DMD: variants seen among roughly 807,000 people sequenced by gnomAD.
The protein encoded by DMD is dystrophin, also known as mutant dystrophin.
DMD carries 63 observed loss-of-function variants against 330.1 expected under a neutral mutation model. The ratio of observed to expected loss-of-function variants is 0.19; its 90% CI spans 0.16 to 0.24. The LOEUF is 0.24. DMD is among the 10% of genes least tolerant of loss of function. The pLI is 1.00. For missense variants in DMD, 3,344 were observed against 2,684.1 expected, an observed-to-expected ratio of 1.25 and a Z score of -5.43; for synonymous variants, 1,223 against 959.8, an observed-to-expected ratio of 1.27 and a Z score of -5.07.
At chrX:32,997,030 G>A (rs980285074) in intron 2 of DMD, among the ~76,000 whole-genome samples, 3 of 111,388 alleles carry the variant, frequency 2.7e-5, no homozygotes, top group African/African-American at 9.8e-5. Context: ...AGATTTAGGA[G>A]GTACAGTGTA....
At chrX:32,032,048 T>A (rs1245028493) in intron 44 of DMD, among the ~76,000 whole-genome samples, 5 of 111,798 alleles carry the variant, frequency 4.5e-5, no homozygotes, top group Non-Finnish European at 9.4e-5. Context: ...TTATCTCTTA[T>A]GAGCTACATA....
At position 31,121,430 on chromosome X, in the gene DMD, GTGTGTGTGTGTA is replaced by G. The variant is rs1363472451; in HGVS notation, c.*477_*488del. ...ACAATGCGCTGCCTCAAAGTTTTGT[GTGTGTGTGTGTA>G]TGTGTGTGTGTGTGTGTTTGTTTTG... On this transcript the variant is annotated 3_prime_UTR_variant, in exon 79 of 79. Coordinates refer to ENST00000357033, the MANE Select transcript of DMD (RefSeq NM_004006.3). The G allele has an allele frequency of 6.4e-3, 666 of 103,898 alleles. 3 individuals carry two copies. Among genetic ancestry groups the G allele is most frequent in the African/African-American group, 0.015 (321 of 21,083 alleles). 8.6% of individuals were successfully genotyped at this position (103,898 alleles called of 1,213,427 possible).
intron 17 of DMD, among the ~76,000 whole-genome samples, chrX:32,532,959 T>G: frequency 8.9e-6 from 1 of 112,554 alleles, no homozygotes; most frequent in Non-Finnish European, 1.9e-5. Context: ...AATAAAATTT[T>G]ACTGGAACTC....
rs766606331 is a variant in DMD, at chrX:31,618,447, AGT to A, written c.8217+9224_8217+9225del. ...GGTAGTTATGGTGATTTCATAGAGA[AGT>A]GTTTCAGTTGGGAGGCAGATGTAGA... On this transcript the variant is annotated intron_variant, in intron 55 of 78. Transcript: ENST00000357033. 3.6e-5 allele frequency among the ~76,000 whole-genome samples: 4 copies of A among 111,910 alleles called. No homozygotes were observed. The East Asian group carries it at 1.1e-3, about 31-fold the overall frequency.
chrX:31,841,539 G>GAAGTC (rs199977254), intron 48 of DMD, among the ~76,000 whole-genome samples: 13,079 of 111,616 alleles, frequency 0.12, 650 homozygotes, highest in Non-Finnish European at 0.16. Flanking sequence ...TAGCTAGAGA[G>GAAGTC]AAGTCAATGC....
intron 16 of DMD, among the ~76,000 whole-genome samples, chrX:32,547,618 A>G (rs1357247059): frequency 2.7e-5 from 3 of 111,406 alleles, no homozygotes; most frequent in Non-Finnish European, 5.7e-5. Context: ...AATCAGAATA[A>G]AAAACAATCA....
intron 20 of DMD, among the ~76,000 whole-genome samples, chrX:32,486,404 T>G (rs976910137): frequency 8.9e-6 from 1 of 111,920 alleles, no homozygotes; most frequent in African/African-American, 3.3e-5. Flanking sequence ...TAATATAGTT[T>G]CTAGACCATT....
chrX:32,941,141 C>T (rs2090385600), intron 2 of DMD, among the ~76,000 whole-genome samples: 1 of 111,033 alleles, frequency 9.0e-6, no homozygotes, highest in Non-Finnish European at 1.9e-5. Context: ...ATTAAAAACT[C>T]AAAAAACAAC....
chrX:32,609,168 G>A (rs2056967455), intron 12 of DMD, among the ~76,000 whole-genome samples: 1 of 110,564 alleles, frequency 9.0e-6, no homozygotes, highest in African/African-American at 3.3e-5. Context: ...CTTTGTACCT[G>A]TTTACAATTT....
intron 43 of DMD, among the ~76,000 whole-genome samples, chrX:32,281,879 G>A (rs2097422074): frequency 9.0e-6 from 1 of 111,401 alleles, no homozygotes; most frequent in African/African-American, 3.3e-5. Context: ...TTAGTCTCAT[G>A]TCTATTTTAC....
intron 2 of DMD, among the ~76,000 whole-genome samples, chrX:32,919,140 C>T (rs1323276680): frequency 8.9e-6 from 1 of 111,826 alleles, no homozygotes; most frequent in East Asian, 2.8e-4. Flanking sequence ...GGACTTCTAA[C>T]TTAAGACAAT....
chrX:33,011,782 C>T (rs1189224752), intron 2 of DMD, among the ~76,000 whole-genome samples: 1 of 111,776 alleles, frequency 8.9e-6, no homozygotes, highest in African/African-American at 3.2e-5. Context: ...AATAAAAATG[C>T]TTCACTAATG....
intron 77 of DMD, among the ~76,000 whole-genome samples, chrX:31,129,855 A>G (rs2034250062): frequency 8.9e-6 from 1 of 112,157 alleles, no homozygotes; most frequent in African/African-American, 3.2e-5. Context: ...CCACAGAATA[A>G]GATTTTAATT....
chrX:32,698,072 C>A (rs761092555), intron 8 of DMD, 74 bp from the exon 9 acceptor site: 1 of 1,030,997 alleles, frequency 9.7e-7, no homozygotes, highest in African/African-American at 1.9e-5. Context: ...GGACTACTTT[C>A]CAACATGGTA....
intron 43 of DMD, among the ~76,000 whole-genome samples, chrX:32,231,394 G>T (rs1023037222): frequency 9.0e-6 from 1 of 111,450 alleles, no homozygotes; most frequent in Non-Finnish European, 1.9e-5. Context: ...TTCTTCTTAG[G>T]CAGCCAAAAT....
intron 77 of DMD, among the ~76,000 whole-genome samples, chrX:31,131,166 C>T (rs762008908): frequency 3.6e-5 from 4 of 111,705 alleles, no homozygotes; most frequent in Non-Finnish European, 7.5e-5. Flanking sequence ...GAAACTTCCA[C>T]GGCAAAAATC....
chrX:32,808,887 T>C (rs1361050283), intron 7 of DMD, among the ~76,000 whole-genome samples: 1 of 111,909 alleles, frequency 8.9e-6, no homozygotes, highest in Non-Finnish European at 1.9e-5. Context: ...TCTCTACGTC[T>C]GGAAGGTATG....
At chrX:31,457,609 C>G (rs1436234305) in intron 59 of DMD, among the ~76,000 whole-genome samples, 1 of 111,856 alleles carries the variant, frequency 8.9e-6, no homozygotes, top group African/African-American at 3.2e-5. Context: ...AGATAGCAGT[C>G]TCAAAGAGAT....
intron 60 of DMD, among the ~76,000 whole-genome samples, chrX:31,370,222 A>C (rs966777564): frequency 9.0e-5 from 10 of 111,673 alleles, no homozygotes; most frequent in African/African-American, 3.3e-4. Context: ...ACCTCGCCAA[A>C]ATTAAAATTC....
Sources: allele counts gnomAD v4.1 joint callset (sites outside exome capture counted in the v4.1 genomes callset), GRCh38; gene constraint gnomAD v4.1.1; transcripts MANE v1.5; gene names NCBI Gene and HGNC (gene_info 2026-07-23, HGNC 2026-07-21).